The following ZPLD1 variants were observed in gnomAD, a reference collection of about 807,000 sequenced individuals.
The protein encoded by ZPLD1 is zona pellucida like domain containing 1.
In ZPLD1, 34 loss-of-function variants were observed where a neutral mutation model predicts 47.2. The observed-to-expected ratio is 0.72, with a 90% CI of 0.55 to 0.96. The LOEUF (loss-of-function observed/expected upper bound fraction) is 0.96. Among genes scored for constraint, ZPLD1 ranks in the 40% least tolerant of loss-of-function variants. The pLI is 0.00. For missense variants in ZPLD1, 512 were observed against 505.8 expected (o/e 1.01, Z -0.12); for synonymous variants, 176 against 186.2 (o/e 0.95, Z 0.45).
At position 102,435,170 on chromosome 3, in the gene ZPLD1, G is replaced by A. The variant is rs767566613; in HGVS notation, c.-123+16G>A. On this transcript the variant is annotated intron_variant, in intron 1 of 11. Transcript: ENST00000466937. ...AATGATGAAGGTAAGGTTGAGGATGGGAAATTTGCAAGATAATAGTTCATC... is the reference window on the plus strand; with the variant it reads ...AATGATGAAGGTAAGGTTGAGGATGAGAAATTTGCAAGATAATAGTTCATC... 16 of 1,613,864 alleles carry A rather than the reference G, an allele frequency of 9.9e-6. No homozygotes were observed. Among genetic ancestry groups the A allele is most frequent in the Middle Eastern group, 1.6e-4 (1 of 6,084 alleles).
chr3:102,394,002 T>A (rs1706530476), intron 7 of ZPLD1, among the ~76,000 whole-genome samples: 1 of 152,144 alleles, frequency 6.6e-6, no homozygotes, highest in Non-Finnish European at 1.5e-5. Context: ...TGTAATGACA[T>A]AAAGAAGCAA....
At chr3:102,447,937 A>G (rs1707282607) in intron 3 of ZPLD1, among the ~76,000 whole-genome samples, 1 of 152,194 alleles carries the variant, frequency 6.6e-6, no homozygotes, top group Non-Finnish European at 1.5e-5. Context: ...ACTTCCATTT[A>G]TATAGTAACC....
At chr3:102,476,659 G>A (rs546828245) in intron 10 of ZPLD1, among the ~76,000 whole-genome samples, 26 of 152,198 alleles carry the variant, frequency 1.7e-4, no homozygotes, top group Non-Finnish European at 2.9e-5. Context: ...AGCTGTTAAC[G>A]ATTACTGCCC....
In ZPLD1 at chr3:102,477,061, T is replaced by C. The variant is rs565561153; in HGVS notation, c.1072+20T>C. On this transcript the variant is annotated intron_variant, in intron 11 of 11. Coordinates refer to ENST00000466937, the MANE Select transcript of ZPLD1 (RefSeq NM_001329788.2). ...AACTTGGTAAGATAATTAACATATT[T>C]TGCAATGTTTTTTACATTTTTGGTG... is the stretch of plus-strand genomic sequence containing the variant. 1.2e-6 allele frequency: 2 copies of C among 1,613,106 alleles called. No individual in the cohort carries two copies. Among genetic ancestry groups the C allele is most frequent in the Non-Finnish European group, 1.7e-6 (2 of 1,179,180 alleles).
At chr3:102,422,020 TTTAA>T (rs1706885484) in intron 8 of ZPLD1, among the ~76,000 whole-genome samples, 1 of 152,168 alleles carries the variant, frequency 6.6e-6, no homozygotes, top group African/African-American at 2.4e-5. Context: ...AATTGAAAAG[TTTAA>T]TTAGTAATGG....
rs142957384 is a variant in ZPLD1, at chr3:102,437,748, T to C, written c.-8-732T>C. ...TATTTAACTGTTCAACCCACACTGA[T>C]ACATTTAAAAAAATCTTCCATTACT... On this transcript the variant is annotated intron_variant, in intron 2 of 11. Coordinates refer to ENST00000466937, the MANE Select transcript of ZPLD1 (RefSeq NM_001329788.2). Among the ~76,000 whole-genome samples, 24 of 152,360 alleles carry C rather than the reference T, an allele frequency of 1.6e-4. No individual in the cohort carries two copies. The South Asian group carries it at 3.9e-3, about 25-fold the overall frequency.
At chr3:102,411,077 A>G (rs962170723) in intron 7 of ZPLD1, among the ~76,000 whole-genome samples, 1 of 151,794 alleles carries the variant, frequency 6.6e-6, no homozygotes, top group African/African-American at 2.4e-5. Context: ...TAGTGGCCTT[A>G]ATATCCCCAG....
intron 7 of ZPLD1, among the ~76,000 whole-genome samples, chr3:102,401,754 C>A (rs557383113): frequency 2.0e-5 from 3 of 152,152 alleles, no homozygotes; most frequent in African/African-American, 7.2e-5. Context: ...ATGCTTAGTG[C>A]AGATTTAGTA....
upstream of ZPLD1, among the ~76,000 whole-genome samples, chr3:102,434,797 T>A (rs1315555212): frequency 6.6e-6 from 1 of 152,232 alleles, no homozygotes; most frequent in Non-Finnish European, 1.5e-5. Context: ...AAAATGCTTC[T>A]GCTCAGATTC....
intron 3 of ZPLD1, among the ~76,000 whole-genome samples, chr3:102,450,516 A>G (rs958835523): frequency 1.3e-5 from 2 of 152,132 alleles, no homozygotes; most frequent in African/African-American, 2.4e-5. Context: ...TAGAAGAGAG[A>G]GAGAGAGGGA....
intron 3 of ZPLD1, among the ~76,000 whole-genome samples, chr3:102,446,958 G>A (rs942839406): frequency 1.1e-4 from 16 of 152,188 alleles, no homozygotes; most frequent in Non-Finnish European, 2.1e-4. Context: ...ACACGTTGTT[G>A]ATATGAAGTG....
intron 2 of ZPLD1, 82 bp from the exon 3 acceptor site, chr3:102,438,398 T>G: frequency 5.3e-6 from 5 of 946,796 alleles, no homozygotes; most frequent in South Asian, 1.4e-5. Context: ...AACAGTGAGC[T>G]GAGATCAGCC....
chr3:102,467,262 T>C (rs1707609549), intron 8 of ZPLD1, among the ~76,000 whole-genome samples: 1 of 151,960 alleles, frequency 6.6e-6, no homozygotes, highest in Admixed American at 6.6e-5. Flanking sequence ...TATGAACCAA[T>C]GTTTTGGAAG....
At chr3:102,385,326 G>T (rs1282265096) in intron 6 of ZPLD1, 1 of 152,152 alleles carries the variant, frequency 6.6e-6, no homozygotes, top group Non-Finnish European at 1.5e-5. Context: ...AAGTAAGTGT[G>T]AAGACTTTTG....
chr3:102,435,768 G>A (rs1047879563), intron 1 of ZPLD1, among the ~76,000 whole-genome samples: 1 of 150,814 alleles, frequency 6.6e-6, no homozygotes, highest in African/African-American at 2.4e-5. Context: ...TCAGCCTCCC[G>A]AGTAGCTGGG....
At chr3:102,451,679 G>A (rs960840999) in intron 3 of ZPLD1, among the ~76,000 whole-genome samples, 3 of 152,098 alleles carry the variant, frequency 2.0e-5, no homozygotes, top group African/African-American at 7.2e-5. Context: ...GAAAGTCTGG[G>A]AAGAATCCTT....
At chr3:102,420,966 G>A (rs1361920967) in intron 8 of ZPLD1, among the ~76,000 whole-genome samples, 2 of 151,808 alleles carry the variant, frequency 1.3e-5, no homozygotes, top group East Asian at 1.9e-4. Flanking sequence ...AATTCAAAAA[G>A]TATATTTAGT....
At chr3:102,462,431 C>A in intron 7 of ZPLD1, 53 bp downstream of exon 7, 1 of 1,226,358 alleles carries the variant, frequency 8.2e-7, no homozygotes, top group Non-Finnish European at 1.2e-6. Context: ...CTGCCTAAAT[C>A]CTCATGAGTC....
intron 3 of ZPLD1, among the ~76,000 whole-genome samples, chr3:102,451,555 G>T (rs1166188528): frequency 1.3e-5 from 2 of 152,200 alleles, no homozygotes; most frequent in Admixed American, 1.3e-4. Flanking sequence ...CACAAATGAT[G>T]TGATTTGAGA....
Sources: gnomAD v4.1 joint callset for allele counts (sites outside exome capture counted in the v4.1 genomes callset) on GRCh38, gnomAD v4.1.1 for gene constraint, MANE v1.5 for transcripts, NCBI Gene and HGNC (gene_info 2026-07-23, HGNC 2026-07-21) for gene names.